The following MCTP1 variants were observed in gnomAD, a reference collection of about 807,000 sequenced individuals.
MCTP1 encodes the protein multiple C2 and transmembrane domain-containing protein 1.
In MCTP1, 69 loss-of-function variants were observed where a neutral mutation model predicts 120.6. That is an observed-to-expected ratio of 0.57 (90% CI 0.47 to 0.70). The LOEUF (loss-of-function observed/expected upper bound fraction) is 0.70. MCTP1 is among the 30% of genes least tolerant of loss of function. MCTP1 has a pLI of 0.00. For missense variants in MCTP1, 1,203 were observed against 1,248.8 expected (o/e 0.96, Z 0.55); for synonymous variants, 529 against 493.1 (o/e 1.07, Z -0.96).
rs1286205515 is a variant in MCTP1 at position 94,954,147 on chromosome 5, C to CATATATATATGCATATATATACAT, written c.839-810_839-787dup. ...ACAAATATATATATGCATATATATA[C>CATATATATATGCATATATATACAT]ATATATATATGCATATATATACATA... On this transcript the variant is annotated intron_variant, in intron 2 of 22. Coordinates refer to ENST00000515393, the MANE Select transcript of MCTP1 (RefSeq NM_024717.7). Among the ~76,000 whole-genome samples, 4 of 32,524 alleles carry CATATATATATGCATATATATACAT rather than the reference C, an allele frequency of 1.2e-4. 1 individual carries two copies. In the East Asian group the frequency reaches 1.9e-3, roughly 16 times the overall value. The allele number at this position is 32,524 out of a possible 152,430, so 21.3% of individuals were successfully genotyped here.
intron 1 of MCTP1, among the ~76,000 whole-genome samples, chr5:95,134,947 G>A (rs945848447): frequency 8.5e-6 from 1 of 118,092 alleles, no homozygotes; most frequent in African/African-American, 3.2e-5. Context: ...CAACCTCTAA[G>A]TTCCATTGCT....
intron 19 of MCTP1, among the ~76,000 whole-genome samples, chr5:94,756,922 T>C (rs1770039378): frequency 1.3e-5 from 2 of 152,170 alleles, no homozygotes; most frequent in Admixed American, 1.3e-4. Context: ...GAAAGCTAAA[T>C]AAGATCATGA....
chr5:94,799,633 T>C (rs966535850), intron 17 of MCTP1, among the ~76,000 whole-genome samples: 5 of 152,050 alleles, frequency 3.3e-5, no homozygotes, highest in Admixed American at 3.3e-4. Context: ...TTTCACAATA[T>C]GAAAAAAAGC....
intron 1 of MCTP1, among the ~76,000 whole-genome samples, chr5:95,278,865 G>C (rs1487370636): frequency 6.6e-6 from 1 of 151,912 alleles, no homozygotes; most frequent in Non-Finnish European, 1.5e-5. Context: ...GGGAGGCTGA[G>C]GTGGAAGAAT....
intron 2 of MCTP1, among the ~76,000 whole-genome samples, chr5:95,003,556 C>T (rs1387843133): frequency 6.6e-6 from 1 of 152,174 alleles, no homozygotes; most frequent in Non-Finnish European, 1.5e-5. Flanking sequence ...GAACATGCAA[C>T]AAGGAAGTCT....
At chr5:95,196,413 C>T (rs1750401821) in intron 1 of MCTP1, among the ~76,000 whole-genome samples, 1 of 152,250 alleles carries the variant, frequency 6.6e-6, no homozygotes, top group African/African-American at 2.4e-5. Context: ...CAAGAATACA[C>T]AAAGCTGGAA....
intron 1 of MCTP1, among the ~76,000 whole-genome samples, chr5:95,037,346 C>T (rs1264553245): frequency 1.3e-5 from 2 of 152,060 alleles, no homozygotes; most frequent in African/African-American, 4.8e-5. Flanking sequence ...GAAAAAGCAA[C>T]GAGGTGAAAA....
At chr5:95,017,242 T>G (rs1243937821) in intron 2 of MCTP1, 125 bp downstream of exon 2, 1 of 558,710 alleles carries the variant, frequency 1.8e-6, no homozygotes, top group Admixed American at 2.8e-5. Context: ...ACTGTGTCTT[T>G]GAATTCAAGC....
At chr5:94,930,494 G>A (rs777172050) in intron 6 of MCTP1, among the ~76,000 whole-genome samples, 7 of 151,576 alleles carry the variant, frequency 4.6e-5, no homozygotes, top group Non-Finnish European at 1.0e-4. Flanking sequence ...GGCTGGTCTC[G>A]AACTCCTGAC....
intron 1 of MCTP1, among the ~76,000 whole-genome samples, chr5:95,250,366 T>C (rs1757266322): frequency 6.6e-6 from 1 of 152,138 alleles, no homozygotes; most frequent in Non-Finnish European, 1.5e-5. Flanking sequence ...ATGTCAGGAA[T>C]CATAAAGTCC....
intron 1 of MCTP1, among the ~76,000 whole-genome samples, chr5:95,214,811 A>G (rs571621169): frequency 6.9e-6 from 1 of 145,934 alleles, no homozygotes; most frequent in East Asian, 2.1e-4. Flanking sequence ...TGGGAACTGA[A>G]CAATGAGAAC....
intron 1 of MCTP1, among the ~76,000 whole-genome samples, chr5:95,272,091 C>T (rs958630770): frequency 6.6e-6 from 1 of 151,998 alleles, no homozygotes; most frequent in African/African-American, 2.4e-5. Flanking sequence ...ATCTTTGACT[C>T]CAGTGAAAAA....
chr5:95,098,113 TTAAAA>T (rs1756413232), intron 1 of MCTP1, among the ~76,000 whole-genome samples: 1 of 152,196 alleles, frequency 6.6e-6, no homozygotes, highest in African/African-American at 2.4e-5. Flanking sequence ...AAGTTTAGTT[TTAAAA>T]TAATATAATA....
At chr5:95,166,917 C>CTTTTTTTTTT (rs386404479) in intron 1 of MCTP1, among the ~76,000 whole-genome samples, 1 of 137,864 alleles carries the variant, frequency 7.3e-6, no homozygotes, top group East Asian at 2.2e-4. Context: ...CCTTTCTATT[C>CTTTTTTTTTT]TTTTTTTTTT....
intron 2 of MCTP1, among the ~76,000 whole-genome samples, chr5:94,987,125 A>T (rs1365872741): frequency 1.3e-5 from 2 of 152,106 alleles, no homozygotes; most frequent in Non-Finnish European, 2.9e-5. Flanking sequence ...CAGTTGGTTG[A>T]ATCCTCGGCT....
chr5:95,178,968 T>G (rs1475141770), intron 1 of MCTP1, among the ~76,000 whole-genome samples: 2 of 152,010 alleles, frequency 1.3e-5, no homozygotes, highest in African/African-American at 4.8e-5. Flanking sequence ...GTGAAATAGA[T>G]AGCATAAATA....
At chr5:94,914,909 T>C (rs1561851290) in intron 8 of MCTP1, among the ~76,000 whole-genome samples, 1 of 152,226 alleles carries the variant, frequency 6.6e-6, no homozygotes, top group Non-Finnish European at 1.5e-5. Context: ...ATAATCCAGC[T>C]GTAGATTTTG....
rs114435577 is a variant in MCTP1, at chr5:95,097,709, G to A, written c.721-80225C>T. 8.6e-3 allele frequency among the ~76,000 whole-genome samples: 1,306 copies of A among 152,284 alleles called. 22 individuals are homozygous for A. Among genetic ancestry groups the A allele is most frequent in the African/African-American group, 0.03 (1,257 of 41,548 alleles). ...AGCCCACCTGTCAAGAGCTTGTTCCGGGAATCCAGGTAGCCTGGATGAAGG... is the reference window on the plus strand; with the variant it reads ...AGCCCACCTGTCAAGAGCTTGTTCCAGGAATCCAGGTAGCCTGGATGAAGG... On this transcript the variant is annotated intron_variant, in intron 1 of 22. Coordinates refer to ENST00000515393, the MANE Select transcript of MCTP1 (RefSeq NM_024717.7).
chr5:94,927,084 C>A (rs755659349), intron 6 of MCTP1, among the ~76,000 whole-genome samples: 10 of 152,138 alleles, frequency 6.6e-5, no homozygotes, highest in Non-Finnish European at 1.0e-4. Context: ...ATATTTTATG[C>A]CTTTGGGGAA....
Sources: allele counts gnomAD v4.1 joint callset (sites outside exome capture counted in the v4.1 genomes callset), GRCh38; gene constraint gnomAD v4.1.1; transcripts MANE v1.5; gene names NCBI Gene and HGNC (gene_info 2026-07-23, HGNC 2026-07-21).